The following XXYLT1 variants were observed in gnomAD, a reference collection of about 807,000 sequenced individuals.
The protein encoded by XXYLT1 is xyloside xylosyltransferase 1.
Under a neutral mutation model 28.9 loss-of-function variants are expected in XXYLT1, and 20 were observed. That is an observed-to-expected ratio of 0.69 (90% CI 0.49 to 1.00). The LOEUF is 1.00. Among genes scored for constraint, XXYLT1 ranks in the 50% least tolerant of loss-of-function variants. The probability of loss-of-function intolerance (pLI) is 0.00; values close to 1 mark genes in which losing one functional copy is unlikely to be tolerated. For synonymous variants in XXYLT1, 257 were observed against 253.8 expected (o/e 1.01, Z -0.12); for missense variants, 542 against 560.1 (o/e 0.97, Z 0.33).
intron 1 of XXYLT1, among the ~76,000 whole-genome samples, chr3:195,265,039 G>C (rs775477273): frequency 7.9e-5 from 12 of 151,514 alleles, no homozygotes; most frequent in Non-Finnish European, 1.8e-4. Context: ...TCTAGCCTGC[G>C]CGGCAGACAG....
At chr3:195,234,706 G>A (rs1272599462) in intron 1 of XXYLT1, among the ~76,000 whole-genome samples, 1 of 152,138 alleles carries the variant, frequency 6.6e-6, no homozygotes, top group Non-Finnish European at 1.5e-5. Context: ...GGCCTGTAAG[G>A]TTCTCACCAA....
intron 3 of XXYLT1, among the ~76,000 whole-genome samples, chr3:195,135,008 A>G (rs1719119337): frequency 6.6e-6 from 1 of 152,224 alleles, no homozygotes; most frequent in Admixed American, 6.5e-5. Context: ...TTCGTTTGGC[A>G]TCAGAGTATG....
At chr3:195,254,820 C>T (rs1196099470) in intron 1 of XXYLT1, among the ~76,000 whole-genome samples, 1 of 152,220 alleles carries the variant, frequency 6.6e-6, no homozygotes, top group Non-Finnish European at 1.5e-5. Context: ...CACTTAACGT[C>T]GCCCTCACAC....
At chr3:195,087,928 C>CT (rs753572811) in intron 3 of XXYLT1, among the ~76,000 whole-genome samples, 7 of 151,792 alleles carry the variant, frequency 4.6e-5, no homozygotes, top group Non-Finnish European at 1.0e-4. Context: ...GGGTGACAGA[C>CT]GCACCTGGAA....
chr3:195,218,932 T>C (rs1281571860), intron 2 of XXYLT1, among the ~76,000 whole-genome samples: 1 of 151,528 alleles, frequency 6.6e-6, no homozygotes, highest in East Asian at 1.9e-4. Flanking sequence ...CCAACAATGA[T>C]AGACTGGATT....
chr3:195,234,128 A>G (rs1380322417), intron 1 of XXYLT1, among the ~76,000 whole-genome samples: 1 of 150,894 alleles, frequency 6.6e-6, no homozygotes, highest in African/African-American at 2.4e-5. Flanking sequence ...CATGTTAGCC[A>G]GGATGGTCTC....
chr3:195,148,977 G>A (rs1200314865), intron 3 of XXYLT1, among the ~76,000 whole-genome samples: 6 of 152,184 alleles, frequency 3.9e-5, no homozygotes, highest in Non-Finnish European at 8.8e-5. Flanking sequence ...ATTGGCTAAG[G>A]GCTGATAGTT....
chr3:195,179,021 C>A (rs773713993), intron 2 of XXYLT1, among the ~76,000 whole-genome samples: 9 of 152,180 alleles, frequency 5.9e-5, no homozygotes, highest in Non-Finnish European at 1.2e-4. Flanking sequence ...ACTCCACACT[C>A]CAGGGAGGCC....
intron 2 of XXYLT1, among the ~76,000 whole-genome samples, chr3:195,221,988 C>T (rs1197348932): frequency 2.0e-5 from 3 of 152,190 alleles, no homozygotes; most frequent in East Asian, 1.9e-4. Flanking sequence ...AGGACCCCTT[C>T]GTTCTTCCTG....
chr3:195,125,128 A>G (rs1718550815), intron 3 of XXYLT1, among the ~76,000 whole-genome samples: 1 of 152,234 alleles, frequency 6.6e-6, no homozygotes, highest in African/African-American at 2.4e-5. Context: ...TAAGAATGAG[A>G]AAAAAGAGGT....
chr3:195,258,530 G>A (rs934376443), intron 1 of XXYLT1, among the ~76,000 whole-genome samples: 3 of 151,602 alleles, frequency 2.0e-5, no homozygotes, highest in South Asian at 4.2e-4. Flanking sequence ...ACTAAGGAAC[G>A]TTCATAGAGG....
At chr3:195,174,117 C>T (rs998774926) in intron 2 of XXYLT1, among the ~76,000 whole-genome samples, 4 of 152,178 alleles carry the variant, frequency 2.6e-5, no homozygotes, top group African/African-American at 9.7e-5. Flanking sequence ...TTCATATAAG[C>T]CAGCCTCCTG....
intron 3 of XXYLT1, among the ~76,000 whole-genome samples, chr3:195,143,784 T>TTTTATATATATATATATATA (rs1553809415): frequency 8.8e-6 from 1 of 113,958 alleles, no homozygotes. Context: ...TGTTCTCTCA[T>TTTTATATATATATATATATA]TATATATATA....
At chr3:195,081,050 G>A (rs1449904604) in intron 3 of XXYLT1, among the ~76,000 whole-genome samples, 2 of 152,222 alleles carry the variant, frequency 1.3e-5, no homozygotes, top group Non-Finnish European at 2.9e-5. Context: ...TTGGCACGGT[G>A]ACAGTGTGAT....
chr3:195,108,850 T>A (rs1346254875), intron 3 of XXYLT1, among the ~76,000 whole-genome samples: 1 of 152,190 alleles, frequency 6.6e-6, no homozygotes, highest in African/African-American at 2.4e-5. Context: ...ACTCTCCCCC[T>A]CCATGAAGCT....
At chr3:195,151,075 C>T (rs1362708292) in intron 3 of XXYLT1, among the ~76,000 whole-genome samples, 1 of 152,102 alleles carries the variant, frequency 6.6e-6, no homozygotes, top group African/African-American at 2.4e-5. Flanking sequence ...CTCCCACCCC[C>T]TCCCTCTCTT....
Position 195,110,668 on chromosome 3 carries a change from GGTGT to G in XXYLT1, c.786-40561_786-40558del, listed in dbSNP as rs1366337248. Among the ~76,000 whole-genome samples, 11 of 80,040 alleles carry G rather than the reference GGTGT, an allele frequency of 1.4e-4. 2 individuals are homozygous for G. Among genetic ancestry groups the G allele is most frequent in the Admixed American group, 3.9e-4 (3 of 7,666 alleles). The allele number at this position is 80,040 out of a possible 152,430, so 52.5% of individuals were successfully genotyped here. A position where few individuals can be genotyped will look rare whatever the true frequency, so the allele number is the denominator to read the frequency against. ...TAAGTGTGTGTGGTGTGTTGTGTGT[GGTGT>G]ATGTGTGTGTGTGCTGTATGTGTGC... On this transcript the variant is annotated intron_variant, in intron 3 of 3. Transcript: ENST00000310380.
chr3:195,248,173 G>A (rs1481406269), intron 1 of XXYLT1, among the ~76,000 whole-genome samples: 3 of 152,028 alleles, frequency 2.0e-5, no homozygotes, highest in African/African-American at 4.8e-5. Context: ...CAACCACTTA[G>A]ATACTTACAG....
rs1164833603 is a variant in XXYLT1, at chr3:195,143,851, TATAGATATATATAGATATAG to T, written c.785+12578_785+12597del. On this transcript the variant is annotated intron_variant, in intron 3 of 3. Transcript: ENST00000310380. ...ATATAGATATAGATATAGATATATA[TATAGATATATATAGATATAG>T]ATATATATATATATATATTTATTTT... Among the ~76,000 whole-genome samples the T allele has an allele frequency of 4.1e-3, 426 of 102,942 alleles. 17 individuals are homozygous for T. Among genetic ancestry groups the T allele is most frequent in the African/African-American group, 0.015 (382 of 25,346 alleles). The allele number at this position is 102,942 out of a possible 152,430, so 67.5% of individuals were successfully genotyped here. A position where few individuals can be genotyped will look rare whatever the true frequency, so the allele number is the denominator to read the frequency against.
Sources: gnomAD v4.1 joint callset for allele counts (sites outside exome capture counted in the v4.1 genomes callset) on GRCh38, gnomAD v4.1.1 for gene constraint, MANE v1.5 for transcripts, NCBI Gene and HGNC (gene_info 2026-07-23, HGNC 2026-07-21) for gene names.